Variants in CATSPER3 observed in about 807,000 individuals in gnomAD.
CATSPER3 encodes cation channel sperm-associated protein 3.
CATSPER3 carries 23 observed loss-of-function variants against 36.6 expected under a neutral mutation model. The ratio of observed to expected loss-of-function variants is 0.63; its 90% CI spans 0.45 to 0.89. CATSPER3 has a LOEUF of 0.89. CATSPER3 is among the 40% of genes least tolerant of loss of function. CATSPER3 has a pLI of 0.00. For missense variants in CATSPER3, 474 were observed against 503.9 expected (o/e 0.94, Z 0.57); for synonymous variants, 172 against 184.1 (o/e 0.93, Z 0.53).
intron 1 of CATSPER3, chr5:134,968,443 C>G (rs1322000579): frequency 6.4e-6 from 2 of 314,808 alleles, no homozygotes; most frequent in Admixed American, 4.6e-5. Context: ...ACCTGTAATC[C>G]CTGCACTTTG....
intron 5 of CATSPER3, 116 bp downstream of exon 5, chr5:135,009,097 GT>G (rs748924616): frequency 7.1e-7 from 1 of 1,411,354 alleles, no homozygotes; most frequent in Non-Finnish European, 1.0e-6. Context: ...ATGAAGTGGA[GT>G]AGAGGTGGCC....
intron 3 of CATSPER3, among the ~76,000 whole-genome samples, chr5:134,999,798 G>A (rs963737739): frequency 1.2e-4 from 18 of 152,218 alleles, no homozygotes; most frequent in Non-Finnish European, 1.9e-4. Context: ...TCAGCTCAAG[G>A]AGATTTTGGG....
chr5:134,988,486 G>A (rs980956133), intron 2 of CATSPER3, among the ~76,000 whole-genome samples: 1 of 152,164 alleles, frequency 6.6e-6, no homozygotes, highest in Non-Finnish European at 1.5e-5. Flanking sequence ...TTTTATCAAC[G>A]AAGTTTACGG....
At chr5:134,973,916 G>C (rs986381416) in intron 2 of CATSPER3, among the ~76,000 whole-genome samples, 1 of 152,182 alleles carries the variant, frequency 6.6e-6, no homozygotes, top group African/African-American at 2.4e-5. Flanking sequence ...TTAAGGGAAA[G>C]AGTCAAGCAT....
intron 2 of CATSPER3, among the ~76,000 whole-genome samples, chr5:134,983,046 C>CA (rs1163501686): frequency 1.3e-5 from 2 of 150,456 alleles, no homozygotes; most frequent in African/African-American, 4.9e-5. Flanking sequence ...AGGGAACAAC[C>CA]AAAAAAACTG....
chr5:134,975,433 G>A lies in CATSPER3; in HGVS notation c.252+5341G>A, dbSNP rs114394136. The A allele has an allele frequency of 8.2e-3, 1,249 of 153,038 alleles. 10 individuals are homozygous for A. The highest frequency in any genetic ancestry group is 0.037 in the Middle Eastern group (11 of 298). 9.5% of individuals were successfully genotyped at this position (153,038 alleles called of 1,614,324 possible). ...GGCAACATAGTGAGACCCTGTCTCT[G>A]TGGGGAAAAACAAACAAACAAACAA... On this transcript the variant is annotated intron_variant, in intron 2 of 7. Transcript: ENST00000282611.
At chr5:134,984,532 TA>T (rs1265993400) in intron 2 of CATSPER3, among the ~76,000 whole-genome samples, 2 of 152,164 alleles carry the variant, frequency 1.3e-5, no homozygotes, top group Admixed American at 1.3e-4. Context: ...CATATGACAC[TA>T]ATCAGCATGG....
intron 2 of CATSPER3, among the ~76,000 whole-genome samples, chr5:134,970,347 G>A (rs1482236394): frequency 2.0e-5 from 3 of 152,070 alleles, no homozygotes; most frequent in African/African-American, 7.2e-5. Context: ...TTTTAGTAGA[G>A]ACGGGGTTTC....
In CATSPER3 at chr5:135,009,364, T is replaced by C; in HGVS notation, c.817-7T>C. ...CTGTAGTTGACCTCCATCGTCTGAC[T>C]CTCTAGGACTCCATCAGAAAGTTTG... On this transcript the variant is annotated splice_polypyrimidine_tract_variant and splice_region_variant and intron_variant, in intron 5 of 7. Coordinates refer to ENST00000282611, the MANE Select transcript of CATSPER3 (RefSeq NM_178019.3). 6.2e-7 allele frequency: 1 copy of C among 1,613,200 alleles called. No homozygotes were observed. The highest frequency in any genetic ancestry group is 8.5e-7 in the Non-Finnish European group (1 of 1,179,582).
At chr5:134,997,342 CTTTG>C (rs1193355921) in intron 3 of CATSPER3, among the ~76,000 whole-genome samples, 1 of 152,244 alleles carries the variant, frequency 6.6e-6, no homozygotes, top group East Asian at 1.9e-4. Context: ...GCATACACAC[CTTTG>C]TTTGTTTCTT....
intron 3 of CATSPER3, among the ~76,000 whole-genome samples, chr5:135,002,773 G>A (rs112396942): frequency 2.7e-4 from 41 of 152,220 alleles, no homozygotes; most frequent in East Asian, 1.4e-3. Flanking sequence ...CATGCATCGC[G>A]TAGTTCTCGT....
At chr5:134,980,433 C>CTT (rs1172133000) in intron 2 of CATSPER3, among the ~76,000 whole-genome samples, 20 of 93,162 alleles carry the variant, frequency 2.1e-4, no homozygotes, top group South Asian at 3.8e-4. Flanking sequence ...TTCTTTCTTT[C>CTT]TTTTTTTTTT....
At chr5:134,983,816 A>G (rs1331741474) in intron 2 of CATSPER3, among the ~76,000 whole-genome samples, 1 of 152,198 alleles carries the variant, frequency 6.6e-6, no homozygotes, top group Non-Finnish European at 1.5e-5. Flanking sequence ...AATAAATTAA[A>G]ATATTGAAAT....
intron 2 of CATSPER3, among the ~76,000 whole-genome samples, chr5:134,970,695 C>CGA (rs1751593257): frequency 6.6e-6 from 1 of 151,526 alleles, no homozygotes; most frequent in South Asian, 2.1e-4. Context: ...CCTCAGCCGA[C>CGA]TGAGTAGCTG....
At chr5:135,007,450 C>A (rs1401705704) in intron 3 of CATSPER3, among the ~76,000 whole-genome samples, 1 of 152,200 alleles carries the variant, frequency 6.6e-6, no homozygotes, top group Non-Finnish European at 1.5e-5. Flanking sequence ...CGGGGCAAGA[C>A]TGAGGTTACA....
chr5:134,980,269 A>G (rs2149547008), intron 2 of CATSPER3, among the ~76,000 whole-genome samples: 1 of 150,792 alleles, frequency 6.6e-6, no homozygotes, highest in East Asian at 2.0e-4. Flanking sequence ...GGCATGAGCC[A>G]CCATGCCTAG....
At chr5:134,980,154 T>A (rs551867753) in intron 2 of CATSPER3, among the ~76,000 whole-genome samples, 138 of 151,656 alleles carry the variant, frequency 9.1e-4, no homozygotes, top group African/African-American at 3.2e-3. Context: ...GCTAATTTTT[T>A]AATTTTTTGT....
At chr5:135,010,122 C>T (rs1483945265) in intron 6 of CATSPER3, among the ~76,000 whole-genome samples, 8 of 152,200 alleles carry the variant, frequency 5.3e-5, no homozygotes, top group Admixed American at 2.0e-4. Flanking sequence ...GCCCAAGGTT[C>T]GTCCAGGGTT....
chr5:135,004,696 T>C (rs299373), intron 3 of CATSPER3, among the ~76,000 whole-genome samples: 139,532 of 152,160 alleles, frequency 0.92, 64,136 homozygotes, highest in East Asian at 1. Flanking sequence ...ATGTGGAAGG[T>C]CCCCAGGCTG....
Sources: gnomAD v4.1 joint callset for allele counts (sites outside exome capture counted in the v4.1 genomes callset) on GRCh38, gnomAD v4.1.1 for gene constraint, MANE v1.5 for transcripts, NCBI Gene and HGNC (gene_info 2026-07-23, HGNC 2026-07-21) for gene names.